RASA2: variants seen among roughly 807,000 people sequenced by gnomAD.
RASA2 encodes the protein ras GTPase-activating protein 2.
In RASA2, 155 loss-of-function variants were observed where a neutral mutation model predicts 118.2. The ratio of observed to expected loss-of-function variants is 1.31; its 90% CI spans 1.15 to 1.50. The LOEUF is 1.50. Ranked by LOEUF, RASA2 falls within the 40% of genes most tolerant of loss-of-function variation. The pLI is 0.00. For missense variants in RASA2, 1,016 were observed against 1,009.6 expected, an observed-to-expected ratio of 1.01 and a Z score of -0.09; for synonymous variants, 353 against 349.1, an observed-to-expected ratio of 1.01 and a Z score of -0.12.
chr3:141,571,753 G>T (rs1233523862), intron 11 of RASA2, among the ~76,000 whole-genome samples, 199 bp downstream of exon 11: 1 of 152,032 alleles, frequency 6.6e-6, no homozygotes, highest in Non-Finnish European at 1.5e-5. Context: ...AACAATTAAT[G>T]AAGGATGTTT....
At position 141,609,729 on chromosome 3, in the gene RASA2, A is replaced by G. The variant is rs1009528514; in HGVS notation, c.2330-148A>G. 8.9e-6 allele frequency: 7 copies of G among 785,710 alleles called. No homozygotes were observed. The African/African-American group carries it at 1.3e-4, about 14-fold the overall frequency. 48.7% of individuals were successfully genotyped at this position (785,710 alleles called of 1,614,324 possible). ...TTTGCATGAATGTGATGATCCTAATAAATAAAATGTATATATTTTAGTTAT... is the reference window on the plus strand; with the variant it reads ...TTTGCATGAATGTGATGATCCTAATGAATAAAATGTATATATTTTAGTTAT... On this transcript the variant is annotated intron_variant, in intron 22 of 23. Transcript: ENST00000286364.
At chr3:141,512,339 C>T in intron 2 of RASA2, 59 bp downstream of exon 2, 3 of 1,165,946 alleles carry the variant, frequency 2.6e-6, no homozygotes, top group East Asian at 2.7e-5. Context: ...AAATATTATG[C>T]ATTTTCCAGA....
At chr3:141,504,243 A>T (rs555907903) in intron 1 of RASA2, among the ~76,000 whole-genome samples, 24 of 152,174 alleles carry the variant, frequency 1.6e-4, no homozygotes, top group African/African-American at 5.3e-4. Flanking sequence ...ATTTGCTCCC[A>T]TTGTGATTTT....
intron 2 of RASA2, among the ~76,000 whole-genome samples, chr3:141,514,838 AACTACTATGTAC>A (rs1161327353): frequency 6.6e-6 from 1 of 152,266 alleles, no homozygotes; most frequent in African/African-American, 2.4e-5. Flanking sequence ...AAAACAGTTG[AACTACTATGTAC>A]ACAACAACAT....
chr3:141,505,806 G>A (rs1399261698), intron 1 of RASA2, among the ~76,000 whole-genome samples: 2 of 151,780 alleles, frequency 1.3e-5, no homozygotes, highest in Admixed American at 6.6e-5. Flanking sequence ...GTATTAAAAA[G>A]GTAACTAGCA....
chr3:141,521,839 A>T (rs1357465999), intron 3 of RASA2, among the ~76,000 whole-genome samples: 1 of 151,684 alleles, frequency 6.6e-6, no homozygotes, highest in African/African-American at 2.4e-5. Context: ...TTTTACTTAT[A>T]CATTTTTAAC....
intron 19 of RASA2, among the ~76,000 whole-genome samples, chr3:141,592,323 A>C (rs1315825486): frequency 2.0e-5 from 3 of 152,178 alleles, no homozygotes; most frequent in South Asian, 2.1e-4. Flanking sequence ...AAATGCCTTG[A>C]AATAGAAGCA....
intron 4 of RASA2, among the ~76,000 whole-genome samples, chr3:141,538,479 T>G (rs1035308235): frequency 6.6e-6 from 1 of 152,138 alleles, no homozygotes; most frequent in African/African-American, 2.4e-5. Flanking sequence ...ATCTTGTAAT[T>G]TTATACATAT....
intron 19 of RASA2, among the ~76,000 whole-genome samples, chr3:141,595,881 G>A (rs1029513139): frequency 1.7e-4 from 26 of 151,890 alleles, no homozygotes; most frequent in Non-Finnish European, 1.5e-4. Flanking sequence ...CTCCTGCCTC[G>A]GCCTAGAATT....
intron 7 of RASA2, 79 bp downstream of exon 7, chr3:141,555,991 G>A: frequency 9.1e-7 from 1 of 1,098,476 alleles, no homozygotes; most frequent in Non-Finnish European, 1.3e-6. Flanking sequence ...TCAAACCACA[G>A]TCATAGTAAT....
intron 1 of RASA2, among the ~76,000 whole-genome samples, chr3:141,499,662 C>T (rs976295222): frequency 2.6e-4 from 39 of 151,982 alleles, no homozygotes; most frequent in African/African-American, 9.4e-4. Flanking sequence ...TGCAGTGGTG[C>T]GATCTCAGCT....
chr3:141,577,020 T>C lies in RASA2; in HGVS notation c.1504T>C (p.Ser502Pro). The C allele has an allele frequency of 6.2e-7, 1 of 1,610,140 alleles. No homozygotes were observed. The highest frequency in any genetic ancestry group is 8.5e-7 in the Non-Finnish European group (1 of 1,177,868). ...RFPNDPHVQY[S>P]AVSSFVFLRF... ...TGCAGATGACCCTCATGTTCAGTAT[T>C]CTGCAGTGAGCAGCTTTGTATTTCT... Residue 502 changes from serine to proline, a missense_variant, in exon 15 of 24, where the codon TCT becomes CCT. Transcript: ENST00000286364.
intron 2 of RASA2, among the ~76,000 whole-genome samples, chr3:141,513,116 G>A (rs1345706723): frequency 6.7e-6 from 1 of 149,316 alleles, no homozygotes; most frequent in Non-Finnish European, 1.5e-5. Flanking sequence ...GGTATTATTG[G>A]AATGAGCATG....
chr3:141,580,296 C>A, intron 15 of RASA2, 72 bp from the exon 16 acceptor site: 1 of 1,167,078 alleles, frequency 8.6e-7, no homozygotes, highest in Non-Finnish European at 1.2e-6. Flanking sequence ...AGTCCATTTA[C>A]TCTATTCTAC....
chr3:141,529,682 T>TAA, intron 3 of RASA2, 26 bp from the exon 4 acceptor site: 1 of 1,512,550 alleles, frequency 6.6e-7, no homozygotes, highest in Non-Finnish European at 9.2e-7. Context: ...CATGTTTTCT[T>TAA]ATATTGTTTT....
rs768968550 is a variant in RASA2 at position 141,586,094 on chromosome 3, G to C, written c.1822G>C (p.Glu608Gln). Reference sequence around the variant, plus strand: ...TACGAGTGAGCCTGTGCACCTGAAAGAAGGGTAATTTAATCAAATTAGACG... The same window carrying C: ...TACGAGTGAGCCTGTGCACCTGAAACAAGGGTAATTTAATCAAATTAGACG... ...SGTSEPVHLK[E>Q]GEMYKRAQGR... Residue 608 changes from glutamate to glutamine, a missense_variant, in exon 18 of 24, where the codon GAA becomes CAA. Transcript: ENST00000286364. 1.2e-6 allele frequency: 2 copies of C among 1,600,680 alleles called. No individual in the cohort carries two copies. Among genetic ancestry groups the C allele is most frequent in the South Asian group, 2.2e-5 (2 of 90,606 alleles).
At chr3:141,517,459 G>C (rs781507372) in intron 3 of RASA2, among the ~76,000 whole-genome samples, 5 of 152,134 alleles carry the variant, frequency 3.3e-5, no homozygotes, top group Non-Finnish European at 4.4e-5. Flanking sequence ...CAGGAGAGAG[G>C]AGAGTTGGGA....
chr3:141,503,742 G>T (rs1404121693), intron 1 of RASA2, among the ~76,000 whole-genome samples: 1 of 152,156 alleles, frequency 6.6e-6, no homozygotes, highest in Non-Finnish European at 1.5e-5. Flanking sequence ...TAAGGACACA[G>T]ACTTTTTGTC....
Position 141,487,155 on chromosome 3 carries a change from C to G in RASA2, c.72C>G (p.Pro24=). The change falls in exon 1 of 24, where the codon CCC becomes CCG. Residue 24 remains proline (P), a synonymous_variant. Transcript: ENST00000286364. ...CAGCGGCGAGTGCGACTGCAGAGCC[C>G]GAGGCCGGGGACCAGGACAGTCGCG... The part of the protein sequence containing the change: ...EAPAASATAE[P]EAGDQDSREV... 5.5e-6 allele frequency: 8 copies of G among 1,466,280 alleles called. No individual in the cohort carries two copies. Among genetic ancestry groups the G allele is most frequent in the Admixed American group, 2.3e-5 (1 of 43,240 alleles). 90.8% of individuals were successfully genotyped at this position (1,466,280 alleles called of 1,614,324 possible).
Sources: gnomAD v4.1 joint callset for allele counts (sites outside exome capture counted in the v4.1 genomes callset) on GRCh38, gnomAD v4.1.1 for gene constraint, MANE v1.5 for transcripts, NCBI Gene and HGNC (gene_info 2026-07-23, HGNC 2026-07-21) for gene names.